The following OTOGL variants were observed in gnomAD, a reference collection of about 807,000 sequenced individuals.
The protein encoded by OTOGL is otogelin-like protein.
OTOGL carries 285 observed loss-of-function variants against 318.5 expected under a neutral mutation model. The observed-to-expected ratio is 0.89, with a 90% CI of 0.81 to 0.99. The LOEUF (loss-of-function observed/expected upper bound fraction) is 0.99, where lower values mean the gene tolerates loss of function less well. Among genes scored for constraint, OTOGL ranks in the 50% least tolerant of loss-of-function variants. The pLI, the probability that OTOGL is intolerant of heterozygous loss-of-function variation, is 0.00. For synonymous variants in OTOGL, 987 were observed against 936.5 expected, an observed-to-expected ratio of 1.05 and a Z score of -0.99; for missense variants, 2,899 against 2,845.6, an observed-to-expected ratio of 1.02 and a Z score of -0.43.
chr12:80,212,662 A>G (rs963524718), intron 4 of OTOGL, among the ~76,000 whole-genome samples: 2 of 152,226 alleles, frequency 1.3e-5, no homozygotes, highest in African/African-American at 4.8e-5. Context: ...AACTTAGTAA[A>G]GGCATTTCTT....
intron 1 of OTOGL, among the ~76,000 whole-genome samples, chr12:80,135,016 A>T (rs1159885567): frequency 6.6e-6 from 1 of 152,164 alleles, no homozygotes; most frequent in Non-Finnish European, 1.5e-5. Context: ...TGGCTCTCCC[A>T]TGAAGACATC....
chr12:80,370,659 T>TC lies in OTOGL; in HGVS notation c.6710dup (p.Asn2239Ter). 6.3e-7 allele frequency: 1 copy of TC among 1,591,098 alleles called. No individual in the cohort carries two copies. The highest frequency in any genetic ancestry group is 8.6e-7 in the Non-Finnish European group (1 of 1,165,614). On this transcript the variant is annotated frameshift_variant, in exon 56 of 59. Coordinates refer to ENST00000547103, the MANE Select transcript of OTOGL (RefSeq NM_001378609.3). LOFTEE classifies it high-confidence loss of function. The stretch of plus-strand genomic sequence containing the variant: ...TAATTCTGAACTACACAATGGTCTG[T>TC]CCCCCTTTTAATGAGACTGAATGCA...
chr12:80,153,303 T>C (rs1263997993), intron 1 of OTOGL, among the ~76,000 whole-genome samples: 4 of 152,184 alleles, frequency 2.6e-5, no homozygotes, highest in Admixed American at 2.6e-4. Flanking sequence ...AGGGAGTTCT[T>C]TGGAGTCTCT....
At chr12:80,184,087 G>C (rs1179852372) in intron 1 of OTOGL, among the ~76,000 whole-genome samples, 1 of 152,168 alleles carries the variant, frequency 6.6e-6, no homozygotes, top group East Asian at 1.9e-4. Flanking sequence ...CAAAACTGTA[G>C]TTTATGTTTA....
At chr12:80,170,064 C>T (rs1874085972) in intron 1 of OTOGL, among the ~76,000 whole-genome samples, 1 of 151,996 alleles carries the variant, frequency 6.6e-6, no homozygotes. Flanking sequence ...GGATGTTTAT[C>T]TTTGTAAGGA....
At chr12:80,161,591 G>T (rs562652465) in intron 1 of OTOGL, among the ~76,000 whole-genome samples, 2 of 152,172 alleles carry the variant, frequency 1.3e-5, no homozygotes, top group South Asian at 4.1e-4. Context: ...AGAATCTATA[G>T]TATTTGGTAA....
chr12:80,366,519 A>ATATATATATG, intron 52 of OTOGL, 55 bp from the exon 53 acceptor site: 1 of 274,476 alleles, frequency 3.6e-6, no homozygotes, highest in Non-Finnish European at 6.2e-6. Flanking sequence ...GGTTATATAT[A>ATATATATATG]TATATATATA....
chr12:80,108,054 T>G (rs1287880050), intron 1 of OTOGL, among the ~76,000 whole-genome samples: 2 of 152,028 alleles, frequency 1.3e-5, no homozygotes, highest in African/African-American at 4.8e-5. Flanking sequence ...TGACACGCAG[T>G]TTACCTATTT....
chr12:80,250,011 CCCTGCT>C (rs1881371357), intron 11 of OTOGL, among the ~76,000 whole-genome samples: 3 of 152,068 alleles, frequency 2.0e-5, no homozygotes, highest in Admixed American at 6.5e-5. Context: ...CAATGCCTCG[CCCTGCT>C]TCGGCTCGCG....
intron 43 of OTOGL, 39 bp downstream of exon 43, chr12:80,339,303 T>TTG (rs1227419301): frequency 4.7e-5 from 44 of 929,550 alleles, no homozygotes; most frequent in Non-Finnish European, 5.9e-5. Flanking sequence ...CGTCTGTTTT[T>TTG]TTTTTTTTTT....
intron 11 of OTOGL, among the ~76,000 whole-genome samples, chr12:80,249,230 G>A (rs1881230585): frequency 1.3e-5 from 2 of 149,176 alleles, no homozygotes; most frequent in Non-Finnish European, 3.0e-5. Flanking sequence ...CTTTGGAGGA[G>A]GAGAGGCGCT....
At position 80,210,334 on chromosome 12, in the gene OTOGL, G is replaced by T. The variant is rs75357396; in HGVS notation, c.80-513G>T. On this transcript the variant is annotated intron_variant, in intron 2 of 58. Coordinates refer to ENST00000547103, the MANE Select transcript of OTOGL (RefSeq NM_001378609.3). ...GTTGTTGATTTTTAATCCCTGTAAAGGTCTGTATGCTTTGGAGCTTGTAGG... is the reference window on the plus strand; with the variant it reads ...GTTGTTGATTTTTAATCCCTGTAAATGTCTGTATGCTTTGGAGCTTGTAGG... 3.7e-3 allele frequency among the ~76,000 whole-genome samples: 566 copies of T among 152,224 alleles called. 5 individuals are homozygous for T. The highest frequency in any genetic ancestry group is 0.013 in the African/African-American group (538 of 41,556).
intron 26 of OTOGL, among the ~76,000 whole-genome samples, chr12:80,289,957 T>C (rs936669972): frequency 6.6e-6 from 1 of 152,090 alleles, no homozygotes; most frequent in Non-Finnish European, 1.5e-5. Context: ...AAAAAAAACT[T>C]CTGCAGCTAG....
chr12:80,147,075 G>A (rs1229171237), intron 1 of OTOGL, among the ~76,000 whole-genome samples: 1 of 151,002 alleles, frequency 6.6e-6, no homozygotes, highest in Non-Finnish European at 1.5e-5. Flanking sequence ...TCTGATTTTA[G>A]TTATTTCTTG....
intron 49 of OTOGL, among the ~76,000 whole-genome samples, chr12:80,357,272 A>G (rs1404232676): frequency 6.6e-6 from 1 of 152,150 alleles, no homozygotes; most frequent in African/African-American, 2.4e-5. Flanking sequence ...CGTCTTTAAA[A>G]CTTCATGTCC....
intron 11 of OTOGL, among the ~76,000 whole-genome samples, chr12:80,240,320 T>A (rs1478852851): frequency 6.6e-6 from 1 of 152,140 alleles, no homozygotes; most frequent in Admixed American, 6.5e-5. Flanking sequence ...ATACTGTGGC[T>A]CTTAAGCATT....
At chr12:80,229,204 A>T in intron 7 of OTOGL, 53 bp from the exon 8 acceptor site, 1 of 1,550,518 alleles carries the variant, frequency 6.4e-7, no homozygotes, top group Admixed American at 1.7e-5. Context: ...GGTTTTAATA[A>T]CTCAGATTTA....
chr12:80,178,065 T>C lies in OTOGL; in HGVS notation c.-19-31348T>C, dbSNP rs559909367. ...CTTTTCTTTCTTTCTTTCTTTCTTTTTTTTTTTTTTTTTTTTTGAGACAGA... is the reference window on the plus strand; with the variant it reads ...CTTTTCTTTCTTTCTTTCTTTCTTTCTTTTTTTTTTTTTTTTTGAGACAGA... On this transcript the variant is annotated intron_variant, in intron 1 of 58. Transcript: ENST00000547103. Among the ~76,000 whole-genome samples, 32 of 132,258 alleles carry C rather than the reference T, an allele frequency of 2.4e-4. 1 individual carries two copies. The South Asian group carries it at 6.3e-3, about 26-fold the overall frequency. The allele number at this position is 132,258 out of a possible 152,430, so 86.8% of individuals were successfully genotyped here.
At chr12:80,289,956 T>C (rs940492524) in intron 26 of OTOGL, among the ~76,000 whole-genome samples, 2 of 152,092 alleles carry the variant, frequency 1.3e-5, no homozygotes, top group Admixed American at 6.6e-5. Context: ...AAAAAAAAAC[T>C]TCTGCAGCTA....
Sources: gnomAD v4.1 joint callset for allele counts (sites outside exome capture counted in the v4.1 genomes callset) on GRCh38, gnomAD v4.1.1 for gene constraint, MANE v1.5 for transcripts, NCBI Gene and HGNC (gene_info 2026-07-23, HGNC 2026-07-21) for gene names.